NUP43: variants seen among roughly 807,000 people sequenced by gnomAD.
NUP43 encodes nucleoporin Nup43.
Under a neutral mutation model 47.3 loss-of-function variants are expected in NUP43, and 32 were observed. The observed-to-expected ratio is 0.68, with a 90% CI of 0.51 to 0.91. NUP43 has a LOEUF of 0.91. Among genes scored for constraint, NUP43 ranks in the 40% least tolerant of loss-of-function variants. The pLI is 0.00. For missense variants in NUP43, 444 were observed against 453.9 expected (o/e 0.98, Z 0.20); for synonymous variants, 147 against 158.4 (o/e 0.93, Z 0.54).
chr6:149,748,678 G>A (rs1277508280), upstream of NUP43, among the ~76,000 whole-genome samples: 1 of 151,924 alleles, frequency 6.6e-6, no homozygotes, highest in East Asian at 1.9e-4. Context: ...GCGTGGTGGC[G>A]GGTGCCTGTA....
rs1013036961 is a variant in NUP43, at chr6:149,726,911, G to C, written c.*58C>G. 19 of 1,368,104 alleles carry C rather than the reference G, an allele frequency of 1.4e-5. No homozygotes were observed. In the Admixed American group the frequency reaches 3.3e-4, roughly 24 times the overall value. The allele number at this position is 1,368,104 out of a possible 1,614,324, so 84.7% of individuals were successfully genotyped here. ...TCTGATACTAAAATTTTGCACAGAA[G>C]TTGGATTTCAAAAGGCTAATTGCAT... On this transcript the variant is annotated 3_prime_UTR_variant, in exon 8 of 8. Transcript: ENST00000340413.
chr6:149,742,316 A>G (rs1785705463), intron 4 of NUP43, 74 bp downstream of exon 4: 1 of 1,423,138 alleles, frequency 7.0e-7, no homozygotes, highest in East Asian at 2.3e-5. Flanking sequence ...GTGAGCCACC[A>G]CACCCAGCCT....
At position 149,743,710 on chromosome 6, in the gene NUP43, A is replaced by C; in HGVS notation, c.249T>G (p.Phe83Leu). 6.2e-7 allele frequency: 1 copy of C among 1,604,866 alleles called. No homozygotes were observed. The highest frequency in any genetic ancestry group is 8.5e-7 in the Non-Finnish European group (1 of 1,173,612). ...HHGDVMDLQFFDQERIVAASS... is the reference protein window; with the variant it reads ...HHGDVMDLQFLDQERIVAASS... ...AAGCAGCGACAATTCTTTCCTGGTC[A>C]AAAAACTAAAGAGAAAATTTCTGCT... The change falls in exon 3 of 8, where the codon TTT becomes TTG. Residue 83 changes from phenylalanine (F) to leucine (L), a missense_variant. Physicochemically the swap from Phe to Leu is conservative, Grantham distance 22. Coordinates refer to ENST00000340413, the MANE Select transcript of NUP43 (RefSeq NM_198887.3).
At chr6:149,748,079 G>A (rs1027136055), upstream of NUP43, among the ~76,000 whole-genome samples, 7 of 152,228 alleles carry the variant, frequency 4.6e-5, no homozygotes, top group African/African-American at 1.7e-4. Context: ...ACTTTGGGAG[G>A]CCAAGGCAGG....
intron 7 of NUP43, chr6:149,727,937 T>G (rs1784866658): frequency 1.0e-6 from 1 of 984,646 alleles, no homozygotes; most frequent in South Asian, 4.7e-5. Flanking sequence ...GAGTACCTAC[T>G]ATGTGCCAGG....
At chr6:149,736,368 A>T in intron 6 of NUP43, 103 bp downstream of exon 6, 1 of 694,610 alleles carries the variant, frequency 1.4e-6, no homozygotes, top group East Asian at 2.9e-5. Flanking sequence ...AGCCATTAAA[A>T]GCTATGATGT....
chr6:149,739,791 C>CCG (rs1785553109), intron 4 of NUP43, among the ~76,000 whole-genome samples: 2 of 152,156 alleles, frequency 1.3e-5, no homozygotes, highest in African/African-American at 4.8e-5. Flanking sequence ...TATTATTCTG[C>CCG]AGACTCATCC....
chr6:149,727,843 T>C (rs1784861478), intron 7 of NUP43: 2 of 985,136 alleles, frequency 2.0e-6, no homozygotes, highest in South Asian at 9.4e-5. Flanking sequence ...ATATTTCAAT[T>C]TTAGTCATTA....
Position 149,746,055 on chromosome 6 carries a change from T to G in NUP43, c.128A>C (p.Tyr43Ser), listed in dbSNP as rs777506674. 1 of 1,612,476 alleles carries G rather than the reference T, an allele frequency of 6.2e-7. No homozygotes were observed. The highest frequency in any genetic ancestry group is 1.7e-5 in the Admixed American group (1 of 59,556). Residue 43 changes from tyrosine (Y) to serine (S), a missense_variant, in exon 2 of 8, where the codon TAT (tyrosine) becomes TCT (serine). Transcript: ENST00000340413. ...ATCTCCAATAGACCACAGTGAAATA[T>G]AATTTTCCTGTAAAACAGAAAGTTT... Reference protein sequence around the residue: ...ATGSWDNEENYISLWSIGDFG... With the variant: ...ATGSWDNEENSISLWSIGDFG...
At position 149,735,138 on chromosome 6, in the gene NUP43, C is replaced by T. The variant is rs114691985; in HGVS notation, c.790+1333G>A. ...AGTGCATAGGTGCAATCATAATGCACTACAGCCTTGAATTCCTGGACTCAA... is the reference window on the plus strand; with the variant it reads ...AGTGCATAGGTGCAATCATAATGCATTACAGCCTTGAATTCCTGGACTCAA... On this transcript the variant is annotated intron_variant, in intron 6 of 7. Transcript: ENST00000340413. 7.5e-3 allele frequency among the ~76,000 whole-genome samples: 1,140 copies of T among 152,174 alleles called. 33 individuals are homozygous for T. Among genetic ancestry groups the T allele is most frequent in the African/African-American group, 0.027 (1,106 of 41,480 alleles).
chr6:149,743,191 T>A (rs1785760499), intron 3 of NUP43, among the ~76,000 whole-genome samples: 1 of 149,780 alleles, frequency 6.7e-6, no homozygotes, highest in African/African-American at 2.5e-5. Flanking sequence ...AAAAAATAAA[T>A]AAATAAAATA....
Position 149,746,037 on chromosome 6 carries a change from A to G in NUP43, c.146T>C (p.Ile49Thr), listed in dbSNP as rs767014381. Residue 49 changes from isoleucine (I) to threonine (T), a missense_variant, in exon 2 of 8, where the codon ATT becomes ACT. Transcript: ENST00000340413. ...NEENYISLWS[I>T]GDFGNLDSDG... is the part of the protein sequence containing the mutation. ...AGAGTCCAAGTTTCCAAAATCTCCA[A>G]TAGACCACAGTGAAATATAATTTTC... 1.2e-6 allele frequency: 2 copies of G among 1,613,948 alleles called. No homozygotes were observed. Among genetic ancestry groups the G allele is most frequent in the African/African-American group, 1.3e-5 (1 of 75,052 alleles).
At chr6:149,732,487 C>T (rs1785105798) in intron 6 of NUP43, among the ~76,000 whole-genome samples, 1 of 146,790 alleles carries the variant, frequency 6.8e-6, no homozygotes, top group African/African-American at 2.5e-5. Context: ...GCAGAGGTTG[C>T]AATGAGCCAA....
At chr6:149,744,324 G>C (rs980577223) in intron 2 of NUP43, among the ~76,000 whole-genome samples, 1 of 152,130 alleles carries the variant, frequency 6.6e-6, no homozygotes, top group Non-Finnish European at 1.5e-5. Context: ...AGGAGTTCGA[G>C]ACCAGCCTGG....
chr6:149,742,318 A>T (rs2115145493), intron 4 of NUP43, 72 bp downstream of exon 4: 1 of 1,455,008 alleles, frequency 6.9e-7, no homozygotes, highest in Non-Finnish European at 9.5e-7. Context: ...GAGCCACCAC[A>T]CCCAGCCTAA....
chr6:149,730,349 A>G (rs1052749724), intron 7 of NUP43, among the ~76,000 whole-genome samples: 41 of 152,264 alleles, frequency 2.7e-4, no homozygotes, highest in East Asian at 2.1e-3. Flanking sequence ...GTTACATCAA[A>G]TATCAACTTT....
chr6:149,743,589 C>G (rs920516680), intron 3 of NUP43, 49 bp downstream of exon 3: 10 of 1,229,824 alleles, frequency 8.1e-6, no homozygotes, highest in Non-Finnish European at 1.2e-5. Context: ...AAGAGCAAAA[C>G]TCCATTTCAA....
At chr6:149,748,523 C>T (rs1786143871), upstream of NUP43, among the ~76,000 whole-genome samples, 1 of 151,786 alleles carries the variant, frequency 6.6e-6, no homozygotes, top group Admixed American at 6.6e-5. Context: ...TAAAAGATTA[C>T]TGGAGGCCGG....
upstream of NUP43, chr6:149,746,717 G>GC: frequency 4.7e-6 from 7 of 1,487,170 alleles, no homozygotes; most frequent in Non-Finnish European, 6.3e-6. Context: ...GAGCGCTTTG[G>GC]CCTTTGAGCA....
Sources: gnomAD v4.1 joint callset for allele counts (sites outside exome capture counted in the v4.1 genomes callset) on GRCh38, gnomAD v4.1.1 for gene constraint, MANE v1.5 for transcripts, NCBI Gene and HGNC (gene_info 2026-07-23, HGNC 2026-07-21) for gene names.